Variants in PIK3C2G observed in about 807,000 individuals in gnomAD.
The protein encoded by PIK3C2G is phosphatidylinositol-4-phosphate 3-kinase catalytic subunit type 2 gamma, also known as phosphatidylinositol 3-kinase C2 domain-containing subunit gamma.
Under a neutral mutation model 181.1 loss-of-function variants are expected in PIK3C2G, and 168 were observed. The observed-to-expected ratio is 0.93, with a 90% confidence interval of 0.82 to 1.05. The LOEUF (loss-of-function observed/expected upper bound fraction) is 1.05. Among genes scored for constraint, PIK3C2G ranks in the 50% least tolerant of loss-of-function variants. PIK3C2G has a pLI of 0.00. For missense variants in PIK3C2G, 1,869 were observed against 1,732.8 expected, an observed-to-expected ratio of 1.08 and a Z score of -1.40; for synonymous variants, 573 against 592.2, an observed-to-expected ratio of 0.97 and a Z score of 0.47.
chr12:18,602,027 G>T (rs1302014841), intron 30 of PIK3C2G, among the ~76,000 whole-genome samples: 1 of 152,154 alleles, frequency 6.6e-6, no homozygotes, highest in Non-Finnish European at 1.5e-5. Context: ...AATGGGGCTA[G>T]AAGCCTCCTG....
intron 5 of PIK3C2G, among the ~76,000 whole-genome samples, chr12:18,303,138 C>CTTTCTTTCTTTCTTTCT (rs1422309361): frequency 1.5e-5 from 2 of 131,192 alleles, no homozygotes; most frequent in East Asian, 4.6e-4. Context: ...TTCTTTCTTT[C>CTTTCTTTCTTTCTTTCT]TTTTCTTTTC....
chr12:18,513,002 A>C (rs1044928983), intron 24 of PIK3C2G, among the ~76,000 whole-genome samples: 1 of 151,828 alleles, frequency 6.6e-6, no homozygotes, highest in African/African-American at 2.4e-5. Flanking sequence ...TTTTATCATG[A>C]AGGTATGTTA....
the PIK3C2G span, chr12:18,694,078 C>T: frequency 8.2e-7 from 1 of 1,216,176 alleles, no homozygotes; most frequent in East Asian, 2.4e-5. Flanking sequence ...AGGAAGACAC[C>T]CCTGAGGGGC....
chr12:18,267,755 G>A (rs1948565913), intron 1 of PIK3C2G, among the ~76,000 whole-genome samples: 1 of 152,154 alleles, frequency 6.6e-6, no homozygotes, highest in Non-Finnish European at 1.5e-5. Flanking sequence ...TTTTGAGAAG[G>A]TATACGTATC....
chr12:18,583,548 G>T (rs1946612776), intron 29 of PIK3C2G, among the ~76,000 whole-genome samples: 1 of 152,104 alleles, frequency 6.6e-6, no homozygotes, highest in Admixed American at 6.5e-5. Context: ...CTGTCTCCAG[G>T]CTCTGGAGAG....
At chr12:18,269,905 T>C (rs10770348) in intron 1 of PIK3C2G, among the ~76,000 whole-genome samples, 53,172 of 144,174 alleles carry the variant, frequency 0.37, 10,161 homozygotes, top group Non-Finnish European at 0.42. Context: ...TTCTTTTTTT[T>C]TCTTTTCTTT....
intron 19 of PIK3C2G, among the ~76,000 whole-genome samples, chr12:18,490,808 T>A (rs998800154): frequency 8.5e-5 from 13 of 152,228 alleles, no homozygotes; most frequent in African/African-American, 2.9e-4. Flanking sequence ...AATTATTTCC[T>A]ATCTCTTTTG....
Position 18,616,462 on chromosome 12 carries a change from A to C in PIK3C2G, c.4182+6833A>C, listed in dbSNP as rs563631192. 2.6e-5 allele frequency among the ~76,000 whole-genome samples: 4 copies of C among 152,230 alleles called. No homozygotes were observed. The South Asian group carries it at 8.3e-4, about 32-fold the overall frequency. Reference sequence around the variant, plus strand: ...TCAGCTACCTTTAATACTTGACACTAAACTAAGGAAGGTCAAATGTCAAAT... The same window carrying C: ...TCAGCTACCTTTAATACTTGACACTCAACTAAGGAAGGTCAAATGTCAAAT... On this transcript the variant is annotated intron_variant, in intron 31 of 32. Coordinates refer to ENST00000538779, the MANE Select transcript of PIK3C2G (RefSeq NM_001288772.2).
intron 18 of PIK3C2G, among the ~76,000 whole-genome samples, chr12:18,443,280 G>A (rs1174134235): frequency 6.6e-6 from 1 of 152,058 alleles, no homozygotes; most frequent in African/African-American, 2.4e-5. Context: ...CTCTGTACAT[G>A]GTGCTGTCTG....
At chr12:18,537,484 T>C (rs2136237662) in intron 24 of PIK3C2G, among the ~76,000 whole-genome samples, 1 of 152,102 alleles carries the variant, frequency 6.6e-6, no homozygotes, top group Admixed American at 6.6e-5. Flanking sequence ...CTGACAAAGG[T>C]GGGGGACGTG....
Position 18,421,961 on chromosome 12 carries a change from A to G in PIK3C2G, c.2409+927A>G, listed in dbSNP as rs530453378. Among the ~76,000 whole-genome samples the G allele has an allele frequency of 3.9e-5, 6 of 152,268 alleles. No homozygotes were observed. The South Asian group carries it at 1.2e-3, about 32-fold the overall frequency. On this transcript the variant is annotated intron_variant, in intron 17 of 32. Transcript: ENST00000538779. ...TTTAGAAATAGCTGTACCAGAGAGTACAATCCAGTCTTTCTTGAAAATAAG... is the reference window on the plus strand; with the variant it reads ...TTTAGAAATAGCTGTACCAGAGAGTGCAATCCAGTCTTTCTTGAAAATAAG...
chr12:18,645,137 T>A (rs1371647085), intron 32 of PIK3C2G, among the ~76,000 whole-genome samples: 1 of 151,230 alleles, frequency 6.6e-6, no homozygotes, highest in African/African-American at 2.5e-5. Flanking sequence ...GAGCTATTTA[T>A]TTTTGGTTCT....
intron 16 of PIK3C2G, among the ~76,000 whole-genome samples, chr12:18,406,575 C>A (rs892617086): frequency 2.0e-5 from 3 of 151,984 alleles, no homozygotes; most frequent in Non-Finnish European, 2.9e-5. Context: ...GGTTTGTATC[C>A]CTTTTTAAAT....
chr12:18,353,828 G>T (rs1297315654), intron 11 of PIK3C2G, among the ~76,000 whole-genome samples: 1 of 152,158 alleles, frequency 6.6e-6, no homozygotes, highest in Non-Finnish European at 1.5e-5. Flanking sequence ...GAAAGGCAGT[G>T]GGATTCTCAT....
At chr12:18,652,801 A>G (rs1197558888), downstream of PIK3C2G, among the ~76,000 whole-genome samples, 6 of 151,898 alleles carry the variant, frequency 4.0e-5, no homozygotes, top group African/African-American at 1.5e-4. Flanking sequence ...GGAAAGAAAG[A>G]ATTATTATGT....
At chr12:18,461,220 G>A (rs751398931) in intron 18 of PIK3C2G, among the ~76,000 whole-genome samples, 1 of 151,966 alleles carries the variant, frequency 6.6e-6, no homozygotes, top group African/African-American at 2.4e-5. Context: ...TTTTCATAAC[G>A]TCATTTTTGC....
At chr12:18,399,389 A>T (rs1410422360) in intron 15 of PIK3C2G, among the ~76,000 whole-genome samples, 1 of 151,880 alleles carries the variant, frequency 6.6e-6, no homozygotes, top group African/African-American at 2.4e-5. Context: ...TTAAAAAAAA[A>T]AAACACGAAT....
chr12:18,582,936 G>A (rs1403821579), intron 29 of PIK3C2G, among the ~76,000 whole-genome samples: 2 of 152,058 alleles, frequency 1.3e-5, no homozygotes, highest in Non-Finnish European at 2.9e-5. Flanking sequence ...CTGGGATGAA[G>A]CTCCCACAGA....
intron 18 of PIK3C2G, among the ~76,000 whole-genome samples, chr12:18,477,582 T>G (rs1939131742): frequency 6.6e-6 from 1 of 152,156 alleles, no homozygotes. Flanking sequence ...CTTACTGAGT[T>G]TCCAAAATGA....
Sources: gnomAD v4.1 joint callset for allele counts (sites outside exome capture counted in the v4.1 genomes callset) on GRCh38, gnomAD v4.1.1 for gene constraint, MANE v1.5 for transcripts, NCBI Gene and HGNC (gene_info 2026-07-23, HGNC 2026-07-21) for gene names.